Variants in SPIDR observed in about 807,000 individuals in gnomAD.
SPIDR encodes the protein DNA repair-scaffolding protein.
A neutral mutation model predicts 104.6 loss-of-function variants in SPIDR; 93 were observed. That is an observed-to-expected ratio of 0.89 (90% CI 0.75 to 1.06). The LOEUF is 1.06. Among genes scored for constraint, SPIDR ranks in the 50% least tolerant of loss-of-function variants. SPIDR has a pLI of 0.00. For missense variants in SPIDR, 1,154 were observed against 1,111.2 expected, an observed-to-expected ratio of 1.04 and a Z score of -0.55; for synonymous variants, 431 against 416.9, an observed-to-expected ratio of 1.03 and a Z score of -0.41.
At chr8:47,335,158 A>C (rs1265808472) in intron 5 of SPIDR, among the ~76,000 whole-genome samples, 1 of 152,250 alleles carries the variant, frequency 6.6e-6, no homozygotes, top group South Asian at 2.1e-4. Flanking sequence ...TGTTAGGTCA[A>C]TTAAGAATAA....
chr8:47,468,969 T>C (rs2075292121), intron 8 of SPIDR, among the ~76,000 whole-genome samples: 1 of 152,124 alleles, frequency 6.6e-6, no homozygotes, highest in Non-Finnish European at 1.5e-5. Flanking sequence ...ATCCAGCATT[T>C]ATAAGGAACT....
chr8:47,406,050 G>A (rs1554667083), intron 6 of SPIDR, among the ~76,000 whole-genome samples: 3 of 149,874 alleles, frequency 2.0e-5, no homozygotes, highest in Non-Finnish European at 4.4e-5. Context: ...GAGGTTCTAG[G>A]CTTGACTTTA....
At chr8:47,729,613 G>A in intron 19 of SPIDR, 148 bp downstream of exon 19, 1 of 822,558 alleles carries the variant, frequency 1.2e-6, no homozygotes, top group Non-Finnish European at 1.9e-6. Flanking sequence ...GTGAAATGCA[G>A]ATATGTCTGC....
chr8:47,453,830 AC>A lies in SPIDR; in HGVS notation c.1097+13289del, dbSNP rs1350383020. Among the ~76,000 whole-genome samples the A allele has an allele frequency of 2.6e-5, 4 of 152,352 alleles. No individual in the cohort carries two copies. The East Asian group carries it at 7.7e-4, about 29-fold the overall frequency. ...AAAACTGGGCAAAGGGTATGAACAG[AC>A]ACTTCTCAAAGGAAGACATTTATGC... On this transcript the variant is annotated intron_variant, in intron 8 of 19. Coordinates refer to ENST00000297423, the MANE Select transcript of SPIDR (RefSeq NM_001080394.4).
chr8:47,403,219 G>C (rs1229152954), intron 6 of SPIDR, among the ~76,000 whole-genome samples: 3 of 152,022 alleles, frequency 2.0e-5, no homozygotes, highest in Admixed American at 6.6e-5. Context: ...ATAATAAGAG[G>C]TATTTATGAC....
At chr8:47,284,587 G>T (rs911973835) in intron 3 of SPIDR, among the ~76,000 whole-genome samples, 2 of 152,296 alleles carry the variant, frequency 1.3e-5, no homozygotes, top group Middle Eastern at 6.8e-3. Context: ...GTCTCCTGCA[G>T]CAGGACATCC....
At chr8:47,556,796 G>A (rs1344332769) in intron 8 of SPIDR, among the ~76,000 whole-genome samples, 1 of 152,068 alleles carries the variant, frequency 6.6e-6, no homozygotes, top group Non-Finnish European at 1.5e-5. Context: ...TAGAGAAGGG[G>A]TGTTGCTATG....
intron 6 of SPIDR, 49 bp downstream of exon 6, chr8:47,396,675 T>G: frequency 6.6e-7 from 1 of 1,510,638 alleles, no homozygotes; most frequent in Non-Finnish European, 8.9e-7. Flanking sequence ...TCTCTTTCTT[T>G]AAAAACCCAA....
intron 5 of SPIDR, among the ~76,000 whole-genome samples, chr8:47,354,030 T>C (rs2054050002): frequency 6.6e-6 from 1 of 152,222 alleles, no homozygotes; most frequent in South Asian, 2.1e-4. Flanking sequence ...TTCTTGTCTA[T>C]TTACTGATTT....
At chr8:47,701,100 T>C (rs2080113058) in intron 12 of SPIDR, among the ~76,000 whole-genome samples, 1 of 152,174 alleles carries the variant, frequency 6.6e-6, no homozygotes, top group African/African-American at 2.4e-5. Flanking sequence ...GCTGACTTCT[T>C]AGTAGTGCTA....
intron 8 of SPIDR, among the ~76,000 whole-genome samples, chr8:47,578,729 A>C (rs1000496801): frequency 2.0e-4 from 30 of 152,342 alleles, no homozygotes; most frequent in Middle Eastern, 3.4e-3. Context: ...ACTTTCATAC[A>C]TGAATAAATC....
intron 8 of SPIDR, among the ~76,000 whole-genome samples, chr8:47,450,992 A>G (rs782276428): frequency 5.9e-5 from 9 of 152,322 alleles, no homozygotes; most frequent in Admixed American, 1.3e-4. Flanking sequence ...CAAATGTCCA[A>G]TTCTCAACAA....
At chr8:47,496,622 A>G (rs1295270060) in intron 8 of SPIDR, among the ~76,000 whole-genome samples, 1 of 151,084 alleles carries the variant, frequency 6.6e-6, no homozygotes, top group Non-Finnish European at 1.5e-5. Flanking sequence ...TTTTGCATAT[A>G]TACTCATAAG....
chr8:47,436,229 G>C (rs559264008), intron 7 of SPIDR, among the ~76,000 whole-genome samples: 4 of 152,168 alleles, frequency 2.6e-5, no homozygotes, highest in Non-Finnish European at 5.9e-5. Context: ...AAAGTATTTG[G>C]GGATTTTCAA....
At chr8:47,492,206 C>G (rs1158942971) in intron 8 of SPIDR, among the ~76,000 whole-genome samples, 1 of 152,130 alleles carries the variant, frequency 6.6e-6, no homozygotes, top group East Asian at 1.9e-4. Flanking sequence ...ACCTACATAC[C>G]ATGTCTTTAG....
At chr8:47,545,164 A>G (rs938633752) in intron 8 of SPIDR, among the ~76,000 whole-genome samples, 5 of 133,264 alleles carry the variant, frequency 3.8e-5, no homozygotes, top group African/African-American at 1.5e-4. Context: ...TGTCTCGCCC[A>G]GGCTGGAGTG....
intron 11 of SPIDR, among the ~76,000 whole-genome samples, chr8:47,688,192 C>T (rs909153613): frequency 2.6e-5 from 4 of 152,036 alleles, no homozygotes; most frequent in African/African-American, 9.7e-5. Flanking sequence ...TGCAGTGGTG[C>T]AATCTTGGCT....
chr8:47,297,894 T>C (rs2041193481), intron 5 of SPIDR, among the ~76,000 whole-genome samples: 1 of 152,220 alleles, frequency 6.6e-6, no homozygotes, highest in East Asian at 1.9e-4. Flanking sequence ...TCTTTGCTAT[T>C]GTGAATAGTG....
At chr8:47,269,447 G>A (rs1275585857) in intron 1 of SPIDR, among the ~76,000 whole-genome samples, 2 of 151,396 alleles carry the variant, frequency 1.3e-5, no homozygotes, top group Non-Finnish European at 1.5e-5. Context: ...TAGTAGAAAC[G>A]GGCTTTCACC....
Sources: gnomAD v4.1 joint callset for allele counts (sites outside exome capture counted in the v4.1 genomes callset) on GRCh38, gnomAD v4.1.1 for gene constraint, MANE v1.5 for transcripts, NCBI Gene and HGNC (gene_info 2026-07-23, HGNC 2026-07-21) for gene names.